Variants in TET2 observed in about 807,000 individuals in gnomAD.
TET2 encodes methylcytosine dioxygenase TET2.
Under a neutral mutation model 142.9 loss-of-function variants are expected in TET2, and 299 were observed. The ratio of observed to expected loss-of-function variants is 2.09; its 90% CI spans 1.90 to 2.30. The LOEUF (loss-of-function observed/expected upper bound fraction) is 2.30. TET2 is among the 30% of genes most tolerant of loss of function. TET2 has a pLI of 0.00. For synonymous variants in TET2, 819 were observed against 849.0 expected (o/e 0.96, Z 0.61); for missense variants, 2,418 against 2,378.0 (o/e 1.02, Z -0.35).
intron 2 of TET2, among the ~76,000 whole-genome samples, chr4:105,222,661 G>A (rs1461102834): frequency 6.6e-6 from 1 of 152,068 alleles, no homozygotes; most frequent in South Asian, 2.1e-4. Flanking sequence ...GCCATTTTGT[G>A]GGTTGCCTGT....
chr4:105,155,916 G>T (rs112335569), intron 1 of TET2, among the ~76,000 whole-genome samples: 4 of 152,320 alleles, frequency 2.6e-5, no homozygotes, highest in African/African-American at 9.6e-5. Flanking sequence ...GCCCAAGATA[G>T]ATGCTCATGT....
chr4:105,275,152 C>T lies in TET2; in HGVS notation c.4642C>T (p.Gln1548Ter), dbSNP rs2110311928. The change falls in exon 11 of 11, where the codon CAG becomes TAG. Residue 1548 changes from glutamine (Q) to a stop codon, truncating the protein, a stop_gained. Transcript: ENST00000380013. LOFTEE classifies it low-confidence loss of function (END_TRUNC). ...GCAGCAGCAGAGACCCCAGCAGCAG[C>T]AGCCACATCACCCTCAGACAGAGTC... is the stretch of plus-strand genomic sequence containing the variant. Reference protein sequence around the residue: ...PQQQQRPQQQQPHHPQTESVN... With the variant: ...PQQQQRPQQQ The T allele has an allele frequency of 6.4e-7, 1 of 1,552,180 alleles. No individual in the cohort carries two copies. The highest frequency in any genetic ancestry group is 8.7e-7 in the Non-Finnish European group (1 of 1,147,074).
Position 105,235,395 on chromosome 4 carries a change from GT to G in TET2, c.1454del (p.Val485GlyfsTer12). On this transcript the variant is annotated frameshift_variant, in exon 3 of 11. Coordinates refer to ENST00000380013, the MANE Select transcript of TET2 (RefSeq NM_001127208.3). LOFTEE classifies it high-confidence loss of function. ...MLSERPQNNC[V>X]NRNDIQTAGT... ...TTCTGAAAGGCCTCAGAATAATTGT[GT>G]GAACAGGAATGACATACAGACTGCA... 6.2e-7 allele frequency: 1 copy of G among 1,614,168 alleles called. No individual in the cohort carries two copies.
At chr4:105,213,264 A>C (rs765911235) in intron 2 of TET2, among the ~76,000 whole-genome samples, 2 of 152,168 alleles carry the variant, frequency 1.3e-5, no homozygotes, top group Non-Finnish European at 2.9e-5. Context: ...TTGACACGTC[A>C]GTATAGTTCT....
chr4:105,275,610 T>C lies in TET2; in HGVS notation c.5100T>C (p.Asn1700=). The C allele has an allele frequency of 1.3e-6, 2 of 1,551,786 alleles. No homozygotes were observed. The highest frequency in any genetic ancestry group is 1.7e-6 in the Non-Finnish European group (2 of 1,146,998). ...AATACTTAGGTTATGGAAACCAAAA[T>C]ATGCAGGGAGATGGTTTCAGCAGTT... The part of the protein sequence containing the change: ...TSKYLGYGNQ[N]MQGDGFSSCT... The change falls in exon 11 of 11, where the codon AAT becomes AAC. Residue 1700 remains asparagine (N), a synonymous_variant. Transcript: ENST00000380013.
chr4:105,181,937 T>G (rs909898803), intron 1 of TET2, among the ~76,000 whole-genome samples: 2 of 152,166 alleles, frequency 1.3e-5, no homozygotes, highest in Non-Finnish European at 2.9e-5. Flanking sequence ...CGGTTATTAC[T>G]TGAAAGTTCA....
chr4:105,256,883 A>G (rs1293471062), intron 6 of TET2, among the ~76,000 whole-genome samples: 4 of 151,986 alleles, frequency 2.6e-5, no homozygotes, highest in South Asian at 4.2e-4. Flanking sequence ...TACTGCAGTT[A>G]TTACACTTTC....
At chr4:105,238,904 A>G (rs1483742962) in intron 3 of TET2, 1 of 239,976 alleles carries the variant, frequency 4.2e-6, no homozygotes, top group Non-Finnish European at 8.9e-6. Flanking sequence ...TATTTCTTAA[A>G]TGATAAGACT....
Position 105,234,694 on chromosome 4 carries a change from C to T in TET2, c.752C>T (p.Ala251Val), listed in dbSNP as rs1332525138. ...AVQKTTSHIN[A>V]INSQATNELS... Reference sequence around the variant, plus strand: ...CAGAAAACCACATCTCACATAAATGCCATTAACAGTCAGGCTACTAATGAG... The same window carrying T: ...CAGAAAACCACATCTCACATAAATGTCATTAACAGTCAGGCTACTAATGAG... Residue 251 changes from alanine (A) to valine (V), a missense_variant, in exon 3 of 11, where the codon GCC becomes GTC. Ala to Val is a moderately conservative substitution (Grantham distance 64). Coordinates refer to ENST00000380013, the MANE Select transcript of TET2 (RefSeq NM_001127208.3). 6.2e-7 allele frequency: 1 copy of T among 1,614,048 alleles called. No homozygotes were observed. Among genetic ancestry groups the T allele is most frequent in the Non-Finnish European group, 8.5e-7 (1 of 1,180,012 alleles).
At chr4:105,272,152 G>A (rs914521000) in intron 9 of TET2, among the ~76,000 whole-genome samples, 6 of 152,172 alleles carry the variant, frequency 3.9e-5, no homozygotes, top group African/African-American at 1.4e-4. Context: ...AAAAACAGAG[G>A]AAGTCATTTC....
At chr4:105,180,377 G>A (rs1481946056) in intron 1 of TET2, among the ~76,000 whole-genome samples, 1 of 152,092 alleles carries the variant, frequency 6.6e-6, no homozygotes, top group Non-Finnish European at 1.5e-5. Flanking sequence ...ATACATGGAG[G>A]AAAATACAAA....
At chr4:105,165,524 A>C (rs1479428857) in intron 1 of TET2, among the ~76,000 whole-genome samples, 1 of 152,246 alleles carries the variant, frequency 6.6e-6, no homozygotes, top group Non-Finnish European at 1.5e-5. Flanking sequence ...ACGGTTTAAA[A>C]ATACATTATT....
intron 2 of TET2, among the ~76,000 whole-genome samples, chr4:105,217,298 T>A (rs1727555084): frequency 6.6e-6 from 1 of 152,060 alleles, no homozygotes; most frequent in African/African-American, 2.4e-5. Flanking sequence ...GTTTAGTTTT[T>A]ACAAGTTAAA....
intron 1 of TET2, among the ~76,000 whole-genome samples, chr4:105,184,463 T>C (rs1302960028): frequency 6.6e-6 from 1 of 152,180 alleles, no homozygotes; most frequent in Non-Finnish European, 1.5e-5. Context: ...CCTCATATGG[T>C]GTATGCTTGT....
chr4:105,251,190 T>G (rs1259994640), intron 6 of TET2, among the ~76,000 whole-genome samples: 1 of 152,130 alleles, frequency 6.6e-6, no homozygotes, highest in Non-Finnish European at 1.5e-5. Context: ...CAAGTAGAGA[T>G]AGTTTTGTTT....
chr4:105,214,134 C>T (rs1727333949), intron 2 of TET2, among the ~76,000 whole-genome samples: 1 of 151,894 alleles, frequency 6.6e-6, no homozygotes, highest in African/African-American at 2.4e-5. Context: ...AAAAGTTTGC[C>T]ATTGTCATGT....
intron 1 of TET2, among the ~76,000 whole-genome samples, chr4:105,185,067 G>C (rs1431144980): frequency 2.0e-5 from 3 of 152,166 alleles, no homozygotes; most frequent in Non-Finnish European, 4.4e-5. Context: ...CTCTTGAAAG[G>C]AAAATGCATT....
chr4:105,224,471 C>A lies in TET2; in HGVS notation c.-46-9426C>A, dbSNP rs528078288. ...AATTGTTTCACAGATGCTGCCAATGCGACTAGAATTTATAATAAATTATTT... is the reference window on the plus strand; with the variant it reads ...AATTGTTTCACAGATGCTGCCAATGAGACTAGAATTTATAATAAATTATTT... On this transcript the variant is annotated intron_variant, in intron 2 of 10. Coordinates refer to ENST00000380013, the MANE Select transcript of TET2 (RefSeq NM_001127208.3). 7.8e-4 allele frequency among the ~76,000 whole-genome samples: 118 copies of A among 151,994 alleles called. 1 individual carries two copies. The South Asian group carries it at 0.019, about 24-fold the overall frequency.
chr4:105,165,497 G>A (rs1724105804), intron 1 of TET2, among the ~76,000 whole-genome samples: 1 of 152,188 alleles, frequency 6.6e-6, no homozygotes, highest in Non-Finnish European at 1.5e-5. Flanking sequence ...ATGTTTTTGA[G>A]TGTCTCAAAA....
Sources: allele counts gnomAD v4.1 joint callset (sites outside exome capture counted in the v4.1 genomes callset), GRCh38; gene constraint gnomAD v4.1.1; transcripts MANE v1.5; gene names NCBI Gene and HGNC (gene_info 2026-07-23, HGNC 2026-07-21).